The following CSMD1 variants were observed in gnomAD, a reference collection of about 807,000 sequenced individuals.
CSMD1 encodes the protein CUB and Sushi multiple domains 1, also known as CUB and sushi domain-containing protein 1.
Under a neutral mutation model 417.5 loss-of-function variants are expected in CSMD1, and 213 were observed. The ratio of observed to expected loss-of-function variants is 0.51; its 90% CI spans 0.46 to 0.57. The LOEUF is 0.57. Among genes scored for constraint, CSMD1 ranks in the 20% least tolerant of loss-of-function variants. The pLI is 0.00. For synonymous variants in CSMD1, 2,862 were observed against 1,736.8 expected (o/e 1.65, Z -16.11); for missense variants, 6,923 against 4,529.7 (o/e 1.53, Z -15.17).
At chr8:3,718,892 T>G (rs1484375801) in intron 6 of CSMD1, among the ~76,000 whole-genome samples, 1 of 152,112 alleles carries the variant, frequency 6.6e-6, no homozygotes, top group Non-Finnish European at 1.5e-5. Context: ...TGTAGTGATC[T>G]ATCGGTTTAC....
chr8:4,146,409 C>A (rs1804127582), intron 3 of CSMD1, among the ~76,000 whole-genome samples: 1 of 150,240 alleles, frequency 6.7e-6, no homozygotes, highest in Admixed American at 6.6e-5. Context: ...TGTGGCACAG[C>A]AGACTCCAAA....
At chr8:4,649,775 A>C (rs561558350) in intron 1 of CSMD1, among the ~76,000 whole-genome samples, 1 of 152,382 alleles carries the variant, frequency 6.6e-6, no homozygotes, top group South Asian at 2.1e-4. Context: ...TCAGAAACTA[A>C]TAATGATGTT....
chr8:3,287,870 T>G (rs201825168), intron 25 of CSMD1, among the ~76,000 whole-genome samples: 20,514 of 134,210 alleles, frequency 0.15, 1,970 homozygotes, highest in Admixed American at 0.2. Context: ...AGGGCATCCC[T>G]CTCTTGTGCC....
intron 42 of CSMD1, among the ~76,000 whole-genome samples, chr8:3,116,367 T>TA (rs11387722): frequency 0.19 from 28,917 of 152,116 alleles, 5,716 homozygotes; most frequent in African/African-American, 0.5. Flanking sequence ...ATCAGAGAGA[T>TA]ATGTGGCATC....
At chr8:4,542,964 G>A (rs138395778) in intron 2 of CSMD1, among the ~76,000 whole-genome samples, 2 of 152,176 alleles carry the variant, frequency 1.3e-5, no homozygotes, top group Non-Finnish European at 2.9e-5. Context: ...TGGCATATTT[G>A]CAATTTATAA....
intron 15 of CSMD1, among the ~76,000 whole-genome samples, chr8:3,403,086 C>T (rs546674102): frequency 6.6e-6 from 1 of 152,082 alleles, no homozygotes; most frequent in East Asian, 1.9e-4. Context: ...ATTTTTATTA[C>T]ATGTTTCTAC....
chr8:4,479,811 A>G (rs1427581216), intron 2 of CSMD1, among the ~76,000 whole-genome samples: 3 of 151,750 alleles, frequency 2.0e-5, no homozygotes, highest in Non-Finnish European at 4.4e-5. Context: ...TGAAAACACA[A>G]AAATTAGCCA....
intron 23 of CSMD1, among the ~76,000 whole-genome samples, chr8:3,309,755 G>A (rs894041252): frequency 5.3e-5 from 8 of 152,118 alleles, no homozygotes; most frequent in African/African-American, 1.7e-4. Context: ...ACATCCTCCT[G>A]TCAATGTGAA....
chr8:4,966,209 C>CAAAAAAAAAAAA (rs33941630), intron 1 of CSMD1, among the ~76,000 whole-genome samples: 53 of 89,106 alleles, frequency 5.9e-4, no homozygotes, highest in African/African-American at 2.0e-3. Flanking sequence ...ACTAAATATA[C>CAAAAAAAAAAAA]AAAAAAAAAA....
At chr8:4,825,373 C>T (rs1481879286) in intron 1 of CSMD1, among the ~76,000 whole-genome samples, 3 of 152,044 alleles carry the variant, frequency 2.0e-5, no homozygotes, top group Non-Finnish European at 4.4e-5. Context: ...GAGATTTATT[C>T]GCTTCACCAG....
intron 3 of CSMD1, among the ~76,000 whole-genome samples, chr8:4,118,001 T>C (rs1802258353): frequency 1.4e-5 from 2 of 143,068 alleles, no homozygotes; most frequent in Non-Finnish European, 3.0e-5. Flanking sequence ...ACATGAGAAA[T>C]GACATAGGTA....
chr8:4,854,290 G>T (rs552202294), intron 1 of CSMD1, among the ~76,000 whole-genome samples: 4 of 152,234 alleles, frequency 2.6e-5, no homozygotes, highest in Admixed American at 6.5e-5. Context: ...ACAGGGCTTG[G>T]TAGGAGGTGT....
chr8:4,789,747 G>C (rs1797594060), intron 1 of CSMD1, among the ~76,000 whole-genome samples: 1 of 152,090 alleles, frequency 6.6e-6, no homozygotes, highest in Non-Finnish European at 1.5e-5. Context: ...TCCCAACATA[G>C]TTCATGTAGT....
chr8:4,533,250 C>T (rs1187072791), intron 2 of CSMD1, among the ~76,000 whole-genome samples: 1 of 152,184 alleles, frequency 6.6e-6, no homozygotes, highest in Non-Finnish European at 1.5e-5. Flanking sequence ...AGAAGCAAGA[C>T]TTTGGTAGAG....
rs780050136 is a variant in CSMD1, at chr8:2,961,175, T to G, written c.9668A>C (p.His3223Pro). 9 of 1,603,324 alleles carry G rather than the reference T, an allele frequency of 5.6e-6. No homozygotes were observed. The highest frequency in any genetic ancestry group is 1.3e-5 in the African/African-American group (1 of 74,718). Reference sequence around the variant, plus strand: ...TCTGGAGCTATTCTGTATTCCAAAGTGTGGCGTACCAGGGTCTGGGCAGGT... The same window carrying G: ...TCTGGAGCTATTCTGTATTCCAAAGGGTGGCGTACCAGGGTCTGGGCAGGT... ...HNTCPDPGTP[H>P]FGIQNSSRGY... Residue 3223 changes from histidine to proline, a missense_variant, in exon 62 of 70, where the codon CAC (histidine) becomes CCC (proline). Physicochemically the swap from His to Pro is moderately conservative, Grantham distance 77 (BLOSUM62 -2). Transcript: ENST00000635120.
intron 3 of CSMD1, among the ~76,000 whole-genome samples, chr8:4,310,189 G>A (rs1585205767): frequency 6.6e-6 from 1 of 152,078 alleles, no homozygotes; most frequent in South Asian, 2.1e-4. Flanking sequence ...AAGAAACAAT[G>A]GTAATCTCCT....
intron 1 of CSMD1, among the ~76,000 whole-genome samples, chr8:4,948,731 C>A (rs990978609): frequency 6.6e-6 from 1 of 151,996 alleles, no homozygotes; most frequent in Non-Finnish European, 1.5e-5. Flanking sequence ...GCATCTGTAC[C>A]ATTTAAGAAA....
chr8:4,411,265 T>A (rs552468522), intron 3 of CSMD1, among the ~76,000 whole-genome samples: 70 of 152,298 alleles, frequency 4.6e-4, no homozygotes, highest in African/African-American at 1.6e-3. Flanking sequence ...GATTATGAAA[T>A]GGGCTCTATG....
intron 5 of CSMD1, among the ~76,000 whole-genome samples, chr8:3,887,421 T>C (rs1456938026): frequency 8.5e-5 from 13 of 152,190 alleles, no homozygotes; most frequent in Admixed American, 8.5e-4. Context: ...CTGAAATGTA[T>C]GGACAAATTA....
Sources: gnomAD v4.1 joint callset for allele counts (sites outside exome capture counted in the v4.1 genomes callset) on GRCh38, gnomAD v4.1.1 for gene constraint, MANE v1.5 for transcripts, NCBI Gene and HGNC (gene_info 2026-07-23, HGNC 2026-07-21) for gene names.